Variants in SUSD1 observed in about 807,000 individuals in gnomAD.
SUSD1 encodes the protein sushi domain containing 1.
In SUSD1, 65 loss-of-function variants were observed where a neutral mutation model predicts 86.9. That is an observed-to-expected ratio of 0.75 (90% CI 0.61 to 0.92). SUSD1 has a LOEUF of 0.92. SUSD1 is among the 40% of genes least tolerant of loss of function. The pLI, the probability that SUSD1 is intolerant of heterozygous loss-of-function variation, is 0.00. For synonymous variants in SUSD1, 346 were observed against 350.0 expected (o/e 0.99, Z 0.13); for missense variants, 850 against 929.7 (o/e 0.91, Z 1.11).
At chr9:112,101,494 A>T (rs1301398881) in intron 9 of SUSD1, among the ~76,000 whole-genome samples, 1 of 152,214 alleles carries the variant, frequency 6.6e-6, no homozygotes, top group Admixed American at 6.5e-5. Context: ...TTTACTGATG[A>T]TGTTTAAGAA....
chr9:112,044,849 CAAGATTAA>C (rs1827887391), intron 15 of SUSD1, among the ~76,000 whole-genome samples: 1 of 152,076 alleles, frequency 6.6e-6, no homozygotes, highest in African/African-American at 2.4e-5. Context: ...CTACCATAAG[CAAGATTAA>C]AAGGCAAATG....
chr9:112,062,757 G>A (rs978776674), intron 13 of SUSD1, among the ~76,000 whole-genome samples, 180 bp downstream of exon 13: 1 of 152,094 alleles, frequency 6.6e-6, no homozygotes, highest in African/African-American at 2.4e-5. Flanking sequence ...CATTAGAAAG[G>A]ATGCTGGTTG....
intron 15 of SUSD1, among the ~76,000 whole-genome samples, chr9:112,051,408 CTTTTTTTTTTTTTT>C (rs746946192): frequency 3.9e-5 from 3 of 77,050 alleles, no homozygotes; most frequent in African/African-American, 1.4e-4. Context: ...TTTTTCTTTT[CTTTTTTTTTTTTTT>C]TTTTTTTTTT....
intron 1 of SUSD1, chr9:112,169,177 C>A (rs1161944844): frequency 6.6e-6 from 1 of 152,014 alleles, no homozygotes; most frequent in Non-Finnish European, 1.5e-5. Flanking sequence ...ACAGAGAGCA[C>A]TCTACTCTCT....
Position 112,124,282 on chromosome 9 carries a change from C to G in SUSD1, c.861G>C (p.Trp287Cys), listed in dbSNP as rs1831673909. Residue 287 changes from tryptophan to cysteine, a missense_variant, in exon 6 of 17, where the codon TGG becomes TGC. Coordinates refer to ENST00000374270, the MANE Select transcript of SUSD1 (RefSeq NM_022486.5). The part of the protein sequence containing the change: ...ITSVCTEKGT[W>C]RESTLTCTEI... ...CTGTGCATGTTAAAGTACTTTCTCT[C>G]CAGGTGCCTTTCTCTGTGCAAACAG... 6.2e-7 allele frequency: 1 copy of G among 1,613,724 alleles called. No individual in the cohort carries two copies. Among genetic ancestry groups the G allele is most frequent in the South Asian group, 1.1e-5 (1 of 91,032 alleles).
chr9:112,157,947 C>T (rs1337609449), intron 1 of SUSD1, among the ~76,000 whole-genome samples: 1 of 151,888 alleles, frequency 6.6e-6, no homozygotes, highest in Admixed American at 6.6e-5. Context: ...CCTCAGCCTC[C>T]CAAGTAGCTG....
intron 1 of SUSD1, among the ~76,000 whole-genome samples, chr9:112,172,843 G>T (rs1035148712): frequency 1.3e-5 from 2 of 151,972 alleles, no homozygotes; most frequent in African/African-American, 4.8e-5. Context: ...GCTTGTCCAA[G>T]CCTCCAGTCT....
chr9:112,142,303 A>AT lies in SUSD1; in HGVS notation c.706+16dup. 3 of 1,534,482 alleles carry AT rather than the reference A, an allele frequency of 2.0e-6. No individual in the cohort carries two copies. Among genetic ancestry groups the AT allele is most frequent in the African/African-American group, 2.8e-5 (2 of 71,630 alleles). On this transcript the variant is annotated intron_variant, in intron 5 of 16. Transcript: ENST00000374270. ...AAGGTGGTATGAATTGGGAACCTGT[A>AT]TTTTTTGAAAACTCACCTTGGCAAT...
At chr9:112,132,413 A>G (rs937242316) in intron 5 of SUSD1, among the ~76,000 whole-genome samples, 1 of 152,340 alleles carries the variant, frequency 6.6e-6, no homozygotes, top group Non-Finnish European at 1.5e-5. Flanking sequence ...AGCTTTGCAA[A>G]AGAGCAGAAG....
chr9:112,112,890 A>G, intron 6 of SUSD1, 22 bp from the exon 7 acceptor site: 2 of 1,526,450 alleles, frequency 1.3e-6, no homozygotes, highest in East Asian at 2.3e-5. Context: ...AAAGGCAGTC[A>G]ACTCACAAAA....
intron 1 of SUSD1, among the ~76,000 whole-genome samples, chr9:112,164,606 T>C (rs1295090477): frequency 6.7e-6 from 1 of 148,422 alleles, no homozygotes; most frequent in East Asian, 2.0e-4. Flanking sequence ...TATGTAACCA[T>C]AAAGGTAAAA....
intron 6 of SUSD1, among the ~76,000 whole-genome samples, chr9:112,121,901 T>A (rs1012268780): frequency 6.6e-5 from 10 of 152,228 alleles, no homozygotes; most frequent in African/African-American, 2.4e-4. Flanking sequence ...AAATGAATCA[T>A]GTAGAAGTAC....
At chr9:112,096,689 G>A (rs1325092615) in intron 10 of SUSD1, among the ~76,000 whole-genome samples, 1 of 151,984 alleles carries the variant, frequency 6.6e-6, no homozygotes, top group African/African-American at 2.4e-5. Flanking sequence ...ACAGGCTTAT[G>A]CCACCACACC....
intron 12 of SUSD1, among the ~76,000 whole-genome samples, chr9:112,064,069 G>A (rs925065941): frequency 1.3e-5 from 2 of 151,004 alleles, no homozygotes; most frequent in East Asian, 1.9e-4. Flanking sequence ...GGTGGGGGCT[G>A]CCTGAATGCA....
At chr9:112,047,233 A>G (rs1415954147) in intron 15 of SUSD1, among the ~76,000 whole-genome samples, 1 of 152,174 alleles carries the variant, frequency 6.6e-6, no homozygotes, top group Non-Finnish European at 1.5e-5. Flanking sequence ...TAAAGGAGGA[A>G]GTGCTACACA....
At chr9:112,080,727 A>T (rs1829733220) in intron 10 of SUSD1, among the ~76,000 whole-genome samples, 1 of 151,694 alleles carries the variant, frequency 6.6e-6, no homozygotes, top group South Asian at 2.1e-4. Flanking sequence ...GAAAAAAATT[A>T]TTTGAGTCTA....
At chr9:112,172,288 C>G (rs1025936274) in intron 1 of SUSD1, among the ~76,000 whole-genome samples, 3 of 152,070 alleles carry the variant, frequency 2.0e-5, no homozygotes, top group Non-Finnish European at 2.9e-5. Flanking sequence ...CTCTCCTCTA[C>G]TAGCTCTGGG....
At chr9:112,169,083 C>A (rs1417991952) in intron 1 of SUSD1, among the ~76,000 whole-genome samples, 1 of 152,082 alleles carries the variant, frequency 6.6e-6, no homozygotes, top group Non-Finnish European at 1.5e-5. Flanking sequence ...TCTGAGAAAT[C>A]TCATGTTCTC....
At chr9:112,129,911 C>T (rs1279237566) in intron 5 of SUSD1, among the ~76,000 whole-genome samples, 5 of 152,154 alleles carry the variant, frequency 3.3e-5, no homozygotes, top group Non-Finnish European at 7.4e-5. Flanking sequence ...GCAGATCATA[C>T]GTCTAAATAA....
Sources: gnomAD v4.1 joint callset for allele counts (sites outside exome capture counted in the v4.1 genomes callset) on GRCh38, gnomAD v4.1.1 for gene constraint, MANE v1.5 for transcripts, NCBI Gene and HGNC (gene_info 2026-07-23, HGNC 2026-07-21) for gene names.